ZBTB45: variants seen among roughly 807,000 people sequenced by gnomAD.
ZBTB45 encodes zinc finger and BTB domain containing 45.
ZBTB45 carries 22 observed loss-of-function variants against 28.4 expected under a neutral mutation model. The observed-to-expected ratio is 0.77, with a 90% CI of 0.55 to 1.10. The LOEUF (loss-of-function observed/expected upper bound fraction) is 1.10, where lower values mean the gene tolerates loss of function less well. ZBTB45 is among the 50% of genes least tolerant of loss of function. ZBTB45 has a pLI of 0.00. For missense variants in ZBTB45, 656 were observed against 750.2 expected, an observed-to-expected ratio of 0.87 and a Z score of 1.47; for synonymous variants, 361 against 332.3, an observed-to-expected ratio of 1.09 and a Z score of -0.94.
upstream of ZBTB45, among the ~76,000 whole-genome samples, chr19:58,521,188 C>T (rs1310325614): frequency 6.7e-6 from 1 of 148,374 alleles, no homozygotes; most frequent in African/African-American, 2.5e-5. Flanking sequence ...CACGGTGAAA[C>T]CCCGTCTCTA....
Position 58,516,103 on chromosome 19 carries a change from A to C in ZBTB45, c.1279+292T>G, listed in dbSNP as rs1435703225. ...CCAAGGCTCCATACCCATCATGTGCATCCCAGGCTGCTCAAGTTTCCACCA... is the reference window on the plus strand; with the variant it reads ...CCAAGGCTCCATACCCATCATGTGCCTCCCAGGCTGCTCAAGTTTCCACCA... On this transcript the variant is annotated intron_variant, in intron 2 of 2. Transcript: ENST00000594051. The surrounding 1 kb of genome is among the most constrained non-coding windows in gnomAD (Gnocchi z 6.2). 6.6e-6 allele frequency among the ~76,000 whole-genome samples: 1 copy of C among 152,102 alleles called. No individual in the cohort carries two copies. Among genetic ancestry groups the C allele is most frequent in the Non-Finnish European group, 1.5e-5 (1 of 68,010 alleles).
At chr19:58,528,313 T>G (rs1275114305) in intron 1 of ZBTB45, among the ~76,000 whole-genome samples, 1 of 152,006 alleles carries the variant, frequency 6.6e-6, no homozygotes, top group Non-Finnish European at 1.5e-5. Flanking sequence ...AGCATGTTGC[T>G]CCACACCGCC....
chr19:58,537,885 T>G (rs1457139264), intron 1 of ZBTB45, among the ~76,000 whole-genome samples: 1 of 151,310 alleles, frequency 6.6e-6, no homozygotes, highest in Non-Finnish European at 1.5e-5. Flanking sequence ...TTGCCCAGGC[T>G]GGAGTGCAAT....
chr19:58,517,340 G>A lies in ZBTB45; in HGVS notation c.334C>T (p.Gln112Ter), dbSNP rs1188383973. 1 of 1,611,434 alleles carries A rather than the reference G, an allele frequency of 6.2e-7. No homozygotes were observed. The highest frequency in any genetic ancestry group is 8.5e-7 in the Non-Finnish European group (1 of 1,179,882). ...VLTAASVLRI[Q>*]TVIDECTQII... ...TGCGTGCATTCGTCGATAACTGTCT[G>A]TATGCGAAGCACTGACGCGGCCGTG... Residue 112 changes from glutamine to a stop codon, truncating the protein, a stop_gained, in exon 2 of 3, where the codon CAG becomes TAG. Coordinates refer to ENST00000594051, the MANE Select transcript of ZBTB45 (RefSeq NM_001316979.2). LOFTEE classifies it high-confidence loss of function.
At chr19:58,521,553 T>G (rs2053579023), upstream of ZBTB45, among the ~76,000 whole-genome samples, 1 of 152,040 alleles carries the variant, frequency 6.6e-6, no homozygotes, top group African/African-American at 2.4e-5. Flanking sequence ...AAGACCTACT[T>G]GGGCTTCTGA....
upstream of ZBTB45, chr19:58,519,951 A>G (rs2053564346): frequency 6.6e-6 from 1 of 152,252 alleles, no homozygotes; most frequent in Non-Finnish European, 1.5e-5. Context: ...AGTCGGAACC[A>G]AAGTCGAAGA....
In ZBTB45 at chr19:58,515,588, C is replaced by T. The variant is rs1322198077; in HGVS notation, c.1279+807G>A. Among the ~76,000 whole-genome samples, 1 of 152,174 alleles carries T rather than the reference C, an allele frequency of 6.6e-6. No homozygotes were observed. Among genetic ancestry groups the T allele is most frequent in the Admixed American group, 6.5e-5 (1 of 15,286 alleles). ...CCAGCTTAGAACACCATGGCTTCCC[C>T]ACCACTCACAGTCAAATCCCAAGTT... On this transcript the variant is annotated intron_variant, in intron 2 of 2. Coordinates refer to ENST00000594051, the MANE Select transcript of ZBTB45 (RefSeq NM_001316979.2). The surrounding 1 kb of genome is among the most constrained non-coding windows in gnomAD (Gnocchi z 4.7).
At position 58,514,348 on chromosome 19, in the gene ZBTB45, C is replaced by G. The variant is rs760996441; in HGVS notation, c.1280-38G>C. 1.2e-5 allele frequency: 19 copies of G among 1,538,454 alleles called. No individual in the cohort carries two copies. The African/African-American group carries it at 2.0e-4, about 16-fold the overall frequency. On this transcript the variant is annotated intron_variant, in intron 2 of 2. Transcript: ENST00000594051. ...GGGCGGGCCGCGAACGCAAGTCAGACTCTACAGCTCCCCGCCCCCACCCCA... is the reference window on the plus strand; with the variant it reads ...GGGCGGGCCGCGAACGCAAGTCAGAGTCTACAGCTCCCCGCCCCCACCCCA...
chr19:58,522,635 CAG>C (rs1267521394), upstream of ZBTB45, among the ~76,000 whole-genome samples: 5 of 152,104 alleles, frequency 3.3e-5, no homozygotes, highest in Middle Eastern at 3.4e-3. Flanking sequence ...AAATCCGTCT[CAG>C]AACAAAAAAA....
chr19:58,527,513 C>A lies in ZBTB45; in HGVS notation c.1-9840G>T, dbSNP rs542009702. Among the ~76,000 whole-genome samples the A allele has an allele frequency of 4.6e-5, 7 of 152,250 alleles. No homozygotes were observed. The South Asian group carries it at 1.5e-3, about 32-fold the overall frequency. On this transcript the variant is annotated intron_variant, in intron 1 of 1. Transcript: ENST00000600130. ...GAATCACACAACATGAAGTCTTGGT[C>A]CCTGCCCTCTCCAGTCCTGTCACTT...
At chr19:58,533,037 T>G (rs1312975073) in intron 1 of ZBTB45, among the ~76,000 whole-genome samples, 1 of 151,228 alleles carries the variant, frequency 6.6e-6, no homozygotes, top group Non-Finnish European at 1.5e-5. Context: ...GGTTTCTCCA[T>G]GTTGATTAGG....
At chr19:58,537,860 A>G (rs112525439) in intron 1 of ZBTB45, among the ~76,000 whole-genome samples, 2 of 59,926 alleles carry the variant, frequency 3.3e-5, no homozygotes, top group South Asian at 9.0e-4. Context: ...TTTTTGAGAC[A>G]GAGTTTCACT....
At chr19:58,522,893 C>G (rs74632421), upstream of ZBTB45, among the ~76,000 whole-genome samples, 1 of 152,088 alleles carries the variant, frequency 6.6e-6, no homozygotes, top group Non-Finnish European at 1.5e-5. Context: ...AAGCCATGTC[C>G]CATTAGCCCC....
At position 58,514,244 on chromosome 19, in the gene ZBTB45, T is replaced by A; in HGVS notation, c.1346A>T (p.His449Leu). ...SFSLRDYLLKHMVTHTGVRAF... is the reference protein window; with the variant it reads ...SFSLRDYLLKLMVTHTGVRAF... ...GCGCACGCCGGTGTGCGTGACCATG[T>A]GTTTGAGCAGGTAGTCGCGTAGAGA... The change falls in exon 3 of 3, where the codon CAC becomes CTC. Residue 449 changes from histidine (H) to leucine (L), a missense_variant. His to Leu is a moderately conservative substitution (Grantham distance 99). Coordinates refer to ENST00000594051, the MANE Select transcript of ZBTB45 (RefSeq NM_001316979.2). 1 of 1,612,374 alleles carries A rather than the reference T, an allele frequency of 6.2e-7. No homozygotes were observed. The highest frequency in any genetic ancestry group is 8.5e-7 in the Non-Finnish European group (1 of 1,179,464).
In ZBTB45 at chr19:58,517,278, C is replaced by T. The variant is rs750665777; in HGVS notation, c.396G>A (p.Ala132=). 142 of 1,589,372 alleles carry T rather than the reference C, an allele frequency of 8.9e-5. No individual in the cohort carries two copies. The highest frequency in any genetic ancestry group is 1.2e-4 in the Non-Finnish European group (137 of 1,171,608). ...IARARAPGTS[A]PTPLPTPVPP... is the part of the protein sequence containing the mutation. ...GCACAGGGGTGGGCAGGGGCGTGGG[C>T]GCAGAGGTGCCCGGGGCTCGAGCGC... is the stretch of plus-strand genomic sequence containing the variant. The change falls in exon 2 of 3, where the codon GCG becomes GCA. Residue 132 remains alanine (A), a synonymous_variant. Transcript: ENST00000594051.
intron 1 of ZBTB45, 67 bp from the exon 2 acceptor site, chr19:58,517,740 T>A: frequency 6.9e-7 from 1 of 1,451,620 alleles, no homozygotes; most frequent in Non-Finnish European, 9.4e-7. Context: ...AACGTCCCTG[T>A]CCCCTCACCC....
In ZBTB45 at chr19:58,513,955, G is replaced by C; in HGVS notation, c.*99C>G. 7.7e-7 allele frequency: 1 copy of C among 1,304,382 alleles called. No homozygotes were observed. The highest frequency in any genetic ancestry group is 3.9e-5 in the Admixed American group (1 of 25,634). 80.8% of individuals were successfully genotyped at this position (1,304,382 alleles called of 1,614,324 possible). On this transcript the variant is annotated 3_prime_UTR_variant, in exon 3 of 3. Coordinates refer to ENST00000594051, the MANE Select transcript of ZBTB45 (RefSeq NM_001316979.2). ...AGAGAGGACCTGCGCTCAGGAGGGA[G>C]CGTGGTCTAGTGGCGGGAACCACGG...
rs370416472 is a variant in ZBTB45 at position 58,527,972 on chromosome 19, C to T, written c.1-10299G>A. ...CAAAAATTATCTGGGCGTGGCAGTA[C>T]GTGCCTGTAATCTCAGCTACTCGGA... On this transcript the variant is annotated intron_variant, in intron 1 of 1. Coordinates refer to the ZBTB45 transcript ENST00000600130. Among the ~76,000 whole-genome samples the T allele has an allele frequency of 3.9e-4, 60 of 152,268 alleles. 2 individuals are homozygous for T. The South Asian group carries it at 0.011, about 27-fold the overall frequency.
At chr19:58,534,403 A>T (rs1319365255) in intron 1 of ZBTB45, among the ~76,000 whole-genome samples, 6 of 151,940 alleles carry the variant, frequency 3.9e-5, no homozygotes, top group African/African-American at 1.2e-4. Flanking sequence ...TATTATTATT[A>T]TTATTTTTTG....
Sources: allele counts gnomAD v4.1 joint callset (sites outside exome capture counted in the v4.1 genomes callset), GRCh38; gene constraint gnomAD v4.1.1; non-coding constraint Gnocchi (gnomAD v3.1); transcripts MANE v1.5; gene names NCBI Gene and HGNC (gene_info 2026-07-23, HGNC 2026-07-21).